Variants in NF1 observed in about 807,000 individuals in gnomAD.
The protein encoded by NF1 is neurofibromin.
NF1 carries 122 observed loss-of-function variants against 325.7 expected under a neutral mutation model. That is an observed-to-expected ratio of 0.37 (90% CI 0.32 to 0.44). The LOEUF is 0.44. NF1 is among the 20% of genes least tolerant of loss of function. NF1 has a pLI of 1.00. For missense variants in NF1, 2,140 were observed against 3,415.4 expected (o/e 0.63, Z 9.31); for synonymous variants, 1,091 against 1,186.0 (o/e 0.92, Z 1.65).
Position 31,265,280 on chromosome 17 carries a change from T to C in NF1, c.4776T>C (p.Ile1592=), listed in dbSNP as rs1346039502. The C allele has an allele frequency of 6.2e-7, 1 of 1,613,436 alleles. No homozygotes were observed. The highest frequency in any genetic ancestry group is 1.3e-5 in the African/African-American group (1 of 74,876). The part of the protein sequence containing the change: ...EEFKALKTLS[I]FYQAGTSKAG... ...TCAAGGCTTTGAAAACGTTAAGTAT[T>C]TTCTACCAAGCTGGGACTTCCAAAG... Residue 1592 remains isoleucine (I), a synonymous_variant, in exon 36 of 58, where the codon ATT becomes ATC. Transcript: ENST00000358273.
chr17:31,130,970 G>A (rs1338996973), intron 1 of NF1, among the ~76,000 whole-genome samples: 5 of 152,124 alleles, frequency 3.3e-5, no homozygotes, highest in African/African-American at 9.7e-5. Context: ...GCAGGAGCTG[G>A]TATGTGGCCC....
intron 48 of NF1, among the ~76,000 whole-genome samples, chr17:31,343,408 GGT>G (rs1199054961): frequency 6.6e-6 from 1 of 151,980 alleles, no homozygotes; most frequent in Non-Finnish European, 1.5e-5. Context: ...AGCCAGGCAT[GGT>G]GGCACGTGCT....
intron 11 of NF1, 145 bp downstream of exon 11, chr17:31,201,630 T>TC: frequency 1.5e-6 from 1 of 668,402 alleles, no homozygotes; most frequent in Non-Finnish European, 2.7e-6. Context: ...CCATGGTGAT[T>TC]CTATTTGATA....
intron 30 of NF1, among the ~76,000 whole-genome samples, 188 bp downstream of exon 30, chr17:31,249,307 T>G (rs2067454620): frequency 6.6e-6 from 1 of 152,202 alleles, no homozygotes; most frequent in African/African-American, 2.4e-5. Flanking sequence ...TAGGCAACAG[T>G]TTGAAGTAAG....
At chr17:31,100,499 A>C (rs1912221819) in intron 1 of NF1, among the ~76,000 whole-genome samples, 1 of 152,164 alleles carries the variant, frequency 6.6e-6, no homozygotes, top group Admixed American at 6.6e-5. Context: ...TGTGGTGCTG[A>C]ATCGAGCACA....
In NF1 at chr17:31,230,308, G is replaced by A. The variant is rs876660168; in HGVS notation, c.3039G>A (p.Thr1013=). The A allele has an allele frequency of 3.7e-6, 6 of 1,613,250 alleles. No homozygotes were observed. The highest frequency in any genetic ancestry group is 2.2e-5 in the East Asian group (1 of 44,816). The change falls in exon 23 of 58, where the codon ACG becomes ACA. Residue 1013 remains threonine, a synonymous_variant. Transcript: ENST00000358273. Reference sequence around the variant, plus strand: ...TGGTCCATGCAATTCAAATAAAAACGAAACTGTGTCAATTAGTTGAAGTAA... The same window carrying A: ...TGGTCCATGCAATTCAAATAAAAACAAAACTGTGTCAATTAGTTGAAGTAA... The part of the protein sequence containing the change: ...GNMVHAIQIK[T]KLCQLVEVMM...
chr17:31,367,558 CAAGA>C (rs2070550296), intron 57 of NF1, among the ~76,000 whole-genome samples: 1 of 152,052 alleles, frequency 6.6e-6, no homozygotes, highest in South Asian at 2.1e-4. Context: ...ATAAGAAACT[CAAGA>C]GAGAGTTAAT....
intron 11 of NF1, among the ~76,000 whole-genome samples, chr17:31,204,024 T>C (rs1156800365): frequency 2.0e-5 from 3 of 152,120 alleles, no homozygotes; most frequent in African/African-American, 4.8e-5. Context: ...AGTTGTACTG[T>C]CATCTTTTTT....
At chr17:31,265,371 AG>A in intron 36 of NF1, 32 bp downstream of exon 36, 1 of 1,508,024 alleles carries the variant, frequency 6.6e-7, no homozygotes, top group Non-Finnish European at 9.2e-7. Context: ...GTCTCTTAAC[AG>A]AATTTTTTAA....
chr17:31,271,817 T>TCTATCCC (rs748079285), intron 36 of NF1, among the ~76,000 whole-genome samples: 1 of 150,332 alleles, frequency 6.7e-6, no homozygotes, highest in Non-Finnish European at 1.5e-5. Flanking sequence ...ACCCCCATCC[T>TCTATCCC]CTATCCCCTA....
rs377295676 is a variant in NF1 at position 31,259,077 on chromosome 17, C to T, written c.4378C>T (p.His1460Tyr). 6 of 1,604,896 alleles carry T rather than the reference C, an allele frequency of 3.7e-6. No individual in the cohort carries two copies. The highest frequency in any genetic ancestry group is 5.1e-6 in the Non-Finnish European group (6 of 1,174,532). The change falls in exon 33 of 58, where the codon CAT becomes TAT. Residue 1460 changes from histidine (H) to tyrosine (Y), a missense_variant. Around this residue, in one of 10 missense-constraint regions of NF1, gnomAD observed 336 missense variants for 399.0 expected, o/e 0.84. Coordinates refer to ENST00000358273, the MANE Select transcript of NF1 (RefSeq NM_001042492.3). ...TCATGTTCTCTTCACAAAAGAAGAACATATGCGGCCTTTCAATGATTTTGT... is the reference window on the plus strand; with the variant it reads ...TCATGTTCTCTTCACAAAAGAAGAATATATGCGGCCTTTCAATGATTTTGT... ...ANHVLFTKEE[H>Y]MRPFNDFVKS...
chr17:31,201,833 G>A (rs1223816061), intron 11 of NF1, among the ~76,000 whole-genome samples: 1 of 152,076 alleles, frequency 6.6e-6, no homozygotes, highest in East Asian at 1.9e-4. Context: ...TATTATTTCA[G>A]CATTTGATAC....
At chr17:31,152,037 C>G (rs558141776) in intron 1 of NF1, among the ~76,000 whole-genome samples, 7 of 152,244 alleles carry the variant, frequency 4.6e-5, no homozygotes, top group East Asian at 3.9e-4. Context: ...CCCCCCTCCC[C>G]CTACCCCACG....
intron 36 of NF1, among the ~76,000 whole-genome samples, chr17:31,302,962 G>C (rs1408023327): frequency 6.6e-6 from 1 of 152,152 alleles, no homozygotes; most frequent in Non-Finnish European, 1.5e-5. Context: ...GCTCAAGGAA[G>C]TGTTTCTATA....
At position 31,238,071 on chromosome 17, in the gene NF1, A is replaced by T. The variant is rs147502528; in HGVS notation, c.3974+2050A>T. On this transcript the variant is annotated intron_variant, in intron 29 of 57. Coordinates refer to ENST00000358273, the MANE Select transcript of NF1 (RefSeq NM_001042492.3). ...CAGAGAATCACAGTTTACCAGGAGA[A>T]GAAGCTGCTGGAGCCAGTAACTGGT... is the stretch of plus-strand genomic sequence containing the variant. 7.6e-3 allele frequency among the ~76,000 whole-genome samples: 1,163 copies of T among 152,314 alleles called. 19 individuals are homozygous for T. Among genetic ancestry groups the T allele is most frequent in the African/African-American group, 0.027 (1,120 of 41,556 alleles).
At chr17:31,257,353 TAA>T (rs2067600496) in intron 31 of NF1, among the ~76,000 whole-genome samples, 1 of 152,256 alleles carries the variant, frequency 6.6e-6, no homozygotes, top group South Asian at 2.1e-4. Context: ...AATGTTACAT[TAA>T]GTGTTCTTTA....
rs71142046 is a variant in NF1 at position 31,322,094 on chromosome 17, T to TACACACACACACACACACAC, written c.4836-3710_4836-3691dup. On this transcript the variant is annotated intron_variant, in intron 36 of 57. Coordinates refer to ENST00000358273, the MANE Select transcript of NF1 (RefSeq NM_001042492.3). ...GCTTTCGTGTGGTGTAGTGTGTGTA[T>TACACACACACACACACACAC]ACACACACACACACACACACACACA... is the stretch of plus-strand genomic sequence containing the variant. Among the ~76,000 whole-genome samples, 172 of 147,400 alleles carry TACACACACACACACACACAC rather than the reference T, an allele frequency of 1.2e-3. 1 individual carries two copies. The highest frequency in any genetic ancestry group is 3.7e-3 in the African/African-American group (144 of 39,322).
At position 31,331,270 on chromosome 17, in the gene NF1, A is replaced by G. The variant is rs537206301; in HGVS notation, c.5812+772A>G. On this transcript the variant is annotated intron_variant, in intron 39 of 57. Transcript: ENST00000358273. ...GTAGGACTGACAAAACAAGAAAAGT[A>G]TAAACTTTATTCATAAATATTAATA... 3 of 152,306 alleles carry G rather than the reference A, an allele frequency of 2.0e-5. No individual in the cohort carries two copies. The East Asian group carries it at 5.8e-4, about 29-fold the overall frequency. 9.4% of individuals were successfully genotyped at this position (152,306 alleles called of 1,614,324 possible).
chr17:31,164,121 A>T (rs1191591186), intron 4 of NF1, among the ~76,000 whole-genome samples: 2 of 152,216 alleles, frequency 1.3e-5, no homozygotes, highest in Admixed American at 1.3e-4. Context: ...TGATGTGCCA[A>T]ATAATGGAGG....
Sources: gnomAD v4.1 joint callset for allele counts (sites outside exome capture counted in the v4.1 genomes callset) on GRCh38, gnomAD v4.1.1 for gene constraint, gnomAD v4.1.1 regional missense constraint, MANE v1.5 for transcripts, NCBI Gene and HGNC (gene_info 2026-07-23, HGNC 2026-07-21) for gene names.